DROSHA: variants seen among roughly 807,000 people sequenced by gnomAD.
DROSHA encodes ribonuclease 3.
Under a neutral mutation model 181.9 loss-of-function variants are expected in DROSHA, and 56 were observed. The ratio of observed to expected loss-of-function variants is 0.31; its 90% CI spans 0.25 to 0.38. The LOEUF is 0.38. Ranked by LOEUF, DROSHA falls within the 10% of genes least tolerant of loss-of-function variation. DROSHA has a pLI of 1.00. For missense variants in DROSHA, 1,218 were observed against 1,743.5 expected, an observed-to-expected ratio of 0.70 and a Z score of 5.37; for synonymous variants, 524 against 591.2, an observed-to-expected ratio of 0.89 and a Z score of 1.65.
rs562952326 is a variant in DROSHA, at chr5:31,490,300, G to C, written c.1842+2907C>G. 2.2e-4 allele frequency among the ~76,000 whole-genome samples: 34 copies of C among 151,600 alleles called. No individual in the cohort carries two copies. In the South Asian group the frequency reaches 6.7e-3, roughly 30 times the overall value. On this transcript the variant is annotated intron_variant, in intron 13 of 35. Transcript: ENST00000344624. ...GGGCTGAAGTGATCCTCCCGCATTA[G>C]CTTCCAGAGTAGCTGGGACTACAGA...
chr5:31,524,621 G>C (rs1244790565), intron 5 of DROSHA, among the ~76,000 whole-genome samples: 2 of 152,080 alleles, frequency 1.3e-5, no homozygotes, highest in Non-Finnish European at 2.9e-5. Flanking sequence ...TGGTTCTCAG[G>C]CTTTTGGGAT....
chr5:31,416,397 C>T (rs1031656105), intron 30 of DROSHA, among the ~76,000 whole-genome samples: 6 of 152,190 alleles, frequency 3.9e-5, no homozygotes, highest in Admixed American at 6.5e-5. Context: ...CAAAGATATA[C>T]TGAGGGCCTA....
chr5:31,524,322 T>G (rs866620142), intron 5 of DROSHA, among the ~76,000 whole-genome samples: 2 of 152,320 alleles, frequency 1.3e-5, no homozygotes, highest in Middle Eastern at 6.8e-3. Flanking sequence ...GAGAAAAATG[T>G]GGAAACAGAT....
intron 11 of DROSHA, among the ~76,000 whole-genome samples, chr5:31,497,098 CA>C (rs1309620074): frequency 6.6e-6 from 1 of 152,150 alleles, no homozygotes; most frequent in Non-Finnish European, 1.5e-5. Flanking sequence ...TCAGCCAGGC[CA>C]AGTGATGCGA....
intron 6 of DROSHA, among the ~76,000 whole-genome samples, chr5:31,517,337 T>C (rs1464041039): frequency 6.6e-6 from 1 of 152,200 alleles, no homozygotes; most frequent in East Asian, 1.9e-4. Flanking sequence ...AATCTAGAGA[T>C]CTTTTTATGC....
intron 27 of DROSHA, among the ~76,000 whole-genome samples, chr5:31,427,405 G>A (rs542211809): frequency 5.9e-5 from 9 of 152,078 alleles, no homozygotes; most frequent in Non-Finnish European, 1.3e-4. Context: ...CTCAGTTGAG[G>A]GTGAAAAAGA....
At chr5:31,449,705 T>C (rs1028784853) in intron 21 of DROSHA, among the ~76,000 whole-genome samples, 1 of 152,172 alleles carries the variant, frequency 6.6e-6, no homozygotes, top group Non-Finnish European at 1.5e-5. Flanking sequence ...CTAGCCTGGA[T>C]GACAGAGGGA....
At chr5:31,484,810 A>T in intron 15 of DROSHA, 71 bp downstream of exon 15, 1 of 1,132,514 alleles carries the variant, frequency 8.8e-7, no homozygotes, top group African/African-American at 1.6e-5. Flanking sequence ...TACAACTTTT[A>T]TAAGAGTTTT....
chr5:31,477,395 T>A (rs1050640780), intron 16 of DROSHA, among the ~76,000 whole-genome samples: 6 of 152,244 alleles, frequency 3.9e-5, no homozygotes, highest in African/African-American at 1.4e-4. Flanking sequence ...TTCTGTGTCT[T>A]CTGGATATTC....
At chr5:31,475,606 T>C (rs1322512533) in intron 16 of DROSHA, among the ~76,000 whole-genome samples, 4 of 152,158 alleles carry the variant, frequency 2.6e-5, no homozygotes, top group Non-Finnish European at 5.9e-5. Context: ...CCACACTAAC[T>C]AGGTTCACTA....
In DROSHA at chr5:31,410,898, G is replaced by T. The variant is rs1741232796; in HGVS notation, c.3526-11C>A. On this transcript the variant is annotated splice_polypyrimidine_tract_variant and intron_variant, in intron 30 of 35. Coordinates refer to ENST00000344624, the MANE Select transcript of DROSHA (RefSeq NM_001382508.1). ...AGAGCTTCGCAACAACTGCCCAAAA[G>T]GAATGGCGGTACATTGAGAACACAT... 1.2e-6 allele frequency: 2 copies of T among 1,613,696 alleles called. No homozygotes were observed. The highest frequency in any genetic ancestry group is 2.2e-5 in the South Asian group (2 of 91,028).
chr5:31,449,188 C>A, intron 22 of DROSHA, 93 bp downstream of exon 22: 1 of 1,491,686 alleles, frequency 6.7e-7, no homozygotes, highest in South Asian at 1.3e-5. Flanking sequence ...GTGAAAGAGT[C>A]ACCCAGGGAA....
intron 30 of DROSHA, among the ~76,000 whole-genome samples, chr5:31,419,079 T>C (rs1191921157): frequency 3.3e-5 from 5 of 152,122 alleles, no homozygotes; most frequent in African/African-American, 9.7e-5. Flanking sequence ...GAGACTAAGA[T>C]GTGTCTGCAA....
At chr5:31,401,584 T>C (rs1373686432) in intron 35 of DROSHA, 22 bp from the exon 36 acceptor site, 10 of 1,367,190 alleles carry the variant, frequency 7.3e-6, no homozygotes, top group Non-Finnish European at 8.5e-6. Flanking sequence ...AAATATATTT[T>C]ATATTTAATA....
chr5:31,527,029 AG>A, intron 4 of DROSHA, 117 bp from the exon 5 acceptor site: 1 of 917,450 alleles, frequency 1.1e-6, no homozygotes, highest in South Asian at 1.7e-5. Context: ...CCCCTAGTCA[AG>A]CCACTGGAAT....
chr5:31,457,680 AG>A (rs1409813074), intron 20 of DROSHA, among the ~76,000 whole-genome samples: 1 of 152,112 alleles, frequency 6.6e-6, no homozygotes, highest in African/African-American at 2.4e-5. Flanking sequence ...ACTTGAACCT[AG>A]GAGTTTGAGA....
intron 5 of DROSHA, among the ~76,000 whole-genome samples, chr5:31,525,810 C>CAACT (rs1378758815): frequency 1.3e-5 from 2 of 152,146 alleles, no homozygotes; most frequent in Non-Finnish European, 2.9e-5. Flanking sequence ...ATTAAAATGT[C>CAACT]AACTGTATTA....
At chr5:31,429,375 T>C (rs1743866032) in intron 27 of DROSHA, 100 bp downstream of exon 27, 1 of 1,127,336 alleles carries the variant, frequency 8.9e-7, no homozygotes. Flanking sequence ...TCTGACTATT[T>C]TGTTTCTCCT....
At position 31,449,190 on chromosome 5, in the gene DROSHA, C is replaced by T. The variant is rs1421255332; in HGVS notation, c.2821+91G>A. Reference sequence around the variant, plus strand: ...AGAATATGAGACGGTGAAAGAGTCACCCAGGGAACCATTCCTAGAGGCGAA... The same window carrying T: ...AGAATATGAGACGGTGAAAGAGTCATCCAGGGAACCATTCCTAGAGGCGAA... On this transcript the variant is annotated intron_variant, in intron 22 of 35. Coordinates refer to ENST00000344624, the MANE Select transcript of DROSHA (RefSeq NM_001382508.1). The T allele has an allele frequency of 5.3e-6, 8 of 1,518,912 alleles. No homozygotes were observed. In the East Asian group the frequency reaches 6.9e-5, roughly 13 times the overall value. The allele number at this position is 1,518,912 out of a possible 1,614,324, so 94.1% of individuals were successfully genotyped here.
Sources: allele counts gnomAD v4.1 joint callset (sites outside exome capture counted in the v4.1 genomes callset), GRCh38; gene constraint gnomAD v4.1.1; transcripts MANE v1.5; gene names NCBI Gene and HGNC (gene_info 2026-07-23, HGNC 2026-07-21).